GRIK4: variants seen among roughly 807,000 people sequenced by gnomAD.
GRIK4 encodes glutamate ionotropic receptor kainate type subunit 4.
GRIK4 carries 40 observed loss-of-function variants against 104.9 expected under a neutral mutation model. The ratio of observed to expected loss-of-function variants is 0.38; its 90% confidence interval spans 0.30 to 0.50. GRIK4 has a LOEUF of 0.50. Among genes scored for constraint, GRIK4 ranks in the 20% least tolerant of loss-of-function variants. GRIK4 has a pLI of 0.93. For synonymous variants in GRIK4, 485 were observed against 524.9 expected (o/e 0.92, Z 1.04); for missense variants, 1,047 against 1,308.1 (o/e 0.80, Z 3.08).
intron 19 of GRIK4, among the ~76,000 whole-genome samples, chr11:120,974,994 G>C (rs1944537668): frequency 6.6e-6 from 1 of 152,214 alleles, no homozygotes; most frequent in Admixed American, 6.5e-5. Flanking sequence ...AGTCTTTGCA[G>C]AACAATTGCT....
At position 120,533,552 on chromosome 11, in the gene GRIK4, T is replaced by C. The variant is rs1947942994; in HGVS notation, c.-159+21665T>C. On this transcript the variant is annotated intron_variant, in intron 1 of 20. Transcript: ENST00000527524. ...TGGGTCATTGGGGCATCTGCAGAGC[T>C]GGATTATGGAGGGTCTTATGTGTAC... 2.6e-5 allele frequency among the ~76,000 whole-genome samples: 4 copies of C among 152,218 alleles called. No homozygotes were observed. The South Asian group carries it at 8.3e-4, about 31-fold the overall frequency.
intron 3 of GRIK4, among the ~76,000 whole-genome samples, chr11:120,796,720 C>T (rs76077484): frequency 0.015 from 2,260 of 152,132 alleles, 54 homozygotes; most frequent in African/African-American, 0.052. Context: ...GATGCTATGA[C>T]CGTGGAAGCC....
chr11:120,785,681 G>T lies in GRIK4; in HGVS notation c.83-17012G>T, dbSNP rs114420577. ...TGGCTCTGTGCTGAGTTGTATGGGG[G>T]TTACAGGATGAGAGGAGACTCAGCT... On this transcript the variant is annotated intron_variant, in intron 3 of 20. Transcript: ENST00000527524. 7.8e-3 allele frequency among the ~76,000 whole-genome samples: 1,185 copies of T among 152,314 alleles called. 19 individuals are homozygous for T. The highest frequency in any genetic ancestry group is 0.027 in the African/African-American group (1,125 of 41,568).
At chr11:120,969,077 C>T (rs1380222118) in intron 19 of GRIK4, among the ~76,000 whole-genome samples, 1 of 152,122 alleles carries the variant, frequency 6.6e-6, no homozygotes, top group African/African-American at 2.4e-5. Context: ...GTGAGGTATC[C>T]CAGCACATCA....
intron 1 of GRIK4, among the ~76,000 whole-genome samples, chr11:120,613,741 AGCTCT>A (rs541160217): frequency 6.6e-6 from 1 of 152,170 alleles, no homozygotes; most frequent in South Asian, 2.1e-4. Context: ...GAAGCTCCTG[AGCTCT>A]GCAGGAGCGT....
intron 11 of GRIK4, among the ~76,000 whole-genome samples, chr11:120,897,911 A>G (rs975312005): frequency 2.0e-5 from 3 of 152,106 alleles, no homozygotes; most frequent in East Asian, 3.9e-4. Context: ...CCACTGGCAC[A>G]TACATGAGAA....
chr11:120,872,634 G>C (rs1954642997), intron 9 of GRIK4: 1 of 153,514 alleles, frequency 6.5e-6, no homozygotes, highest in East Asian at 1.9e-4. Flanking sequence ...GGGACTCTGT[G>C]TGGACTTCTA....
chr11:120,618,812 C>T (rs1949147549), intron 1 of GRIK4, among the ~76,000 whole-genome samples: 1 of 152,360 alleles, frequency 6.6e-6, no homozygotes, highest in East Asian at 1.9e-4. Context: ...GCTTGGGAAC[C>T]TCTGTCTAGA....
chr11:120,634,059 G>A (rs893814307), intron 1 of GRIK4, among the ~76,000 whole-genome samples: 1 of 152,186 alleles, frequency 6.6e-6, no homozygotes, highest in Non-Finnish European at 1.5e-5. Flanking sequence ...TTAGAGCAGC[G>A]GCTGCACCTT....
chr11:120,947,812 A>G lies in GRIK4; in HGVS notation c.1591-5043A>G, dbSNP rs560036164. Among the ~76,000 whole-genome samples the G allele has an allele frequency of 7.2e-5, 11 of 152,216 alleles. No homozygotes were observed. In the East Asian group the frequency reaches 1.7e-3, roughly 24 times the overall value. ...GTGCTCCTTTCTATGGGGGAAGACA[A>G]TGGCACCCAGAGAAGTTGAGTGACT... On this transcript the variant is annotated intron_variant, in intron 14 of 20. Coordinates refer to ENST00000527524, the MANE Select transcript of GRIK4 (RefSeq NM_014619.5).
intron 3 of GRIK4, among the ~76,000 whole-genome samples, chr11:120,753,340 T>TGTGTGTGTGTGC (rs377163804): frequency 1.4e-5 from 2 of 147,606 alleles, no homozygotes; most frequent in African/African-American, 2.5e-5. Flanking sequence ...TGTGTGTGTG[T>TGTGTGTGTGTGC]GTGCAGGGTG....
At chr11:120,606,393 G>A (rs952993588) in intron 1 of GRIK4, among the ~76,000 whole-genome samples, 2 of 152,228 alleles carry the variant, frequency 1.3e-5, no homozygotes, top group African/African-American at 4.8e-5. Context: ...CCCAGGGAGA[G>A]TTATTTACAT....
chr11:120,721,034 C>T (rs139024983), intron 3 of GRIK4, among the ~76,000 whole-genome samples: 1 of 152,226 alleles, frequency 6.6e-6, no homozygotes, highest in East Asian at 1.9e-4. Context: ...CTAAGAGTAA[C>T]TGAGCAGCAC....
At chr11:120,881,390 C>T (rs191309705) in intron 11 of GRIK4, among the ~76,000 whole-genome samples, 1 of 152,268 alleles carries the variant, frequency 6.6e-6, no homozygotes, top group Admixed American at 6.5e-5. Context: ...TTTCCTTAGA[C>T]CATGGATTTA....
At chr11:120,823,380 T>C (rs756959544) in intron 6 of GRIK4, among the ~76,000 whole-genome samples, 6 of 152,226 alleles carry the variant, frequency 3.9e-5, no homozygotes, top group Admixed American at 6.5e-5. Flanking sequence ...ATTAGAATTA[T>C]GACATTCCTT....
intron 3 of GRIK4, among the ~76,000 whole-genome samples, chr11:120,776,687 G>A (rs980633771): frequency 6.6e-6 from 1 of 152,138 alleles, no homozygotes; most frequent in Non-Finnish European, 1.5e-5. Context: ...AAGCTGTTGG[G>A]CTGAGGCTGC....
chr11:120,717,055 G>T (rs554728830), intron 3 of GRIK4, among the ~76,000 whole-genome samples: 5 of 152,340 alleles, frequency 3.3e-5, no homozygotes, highest in Middle Eastern at 3.4e-3. Context: ...GGATGCTGCG[G>T]CGGTGGCTCC....
chr11:120,522,414 C>T lies in GRIK4; in HGVS notation c.-159+10527C>T, dbSNP rs576470051. 1.2e-3 allele frequency among the ~76,000 whole-genome samples: 187 copies of T among 152,238 alleles called. 1 individual carries two copies. Among genetic ancestry groups the T allele is most frequent in the African/African-American group, 3.9e-3 (161 of 41,546 alleles). ...TCAGCTCACTGCAACCTCCACCTTC[C>T]GGGTTCGAGCGATTCTCCTGCCTCA... On this transcript the variant is annotated intron_variant, in intron 1 of 20. Transcript: ENST00000527524.
intron 3 of GRIK4, among the ~76,000 whole-genome samples, chr11:120,784,790 C>T (rs77130857): frequency 0.014 from 2,132 of 152,138 alleles, 58 homozygotes; most frequent in African/African-American, 0.049. Flanking sequence ...TCTCTACCCT[C>T]CCTCCCCTGC....
Sources: allele counts gnomAD v4.1 joint callset (sites outside exome capture counted in the v4.1 genomes callset), GRCh38; gene constraint gnomAD v4.1.1; transcripts MANE v1.5; gene names NCBI Gene and HGNC (gene_info 2026-07-23, HGNC 2026-07-21).